SLC7A14: variants seen among roughly 807,000 people sequenced by gnomAD.
SLC7A14 encodes the protein gamma-aminobutyric acid transporter SLC7A14.
SLC7A14 carries 37 observed loss-of-function variants against 60.2 expected under a neutral mutation model. The ratio of observed to expected loss-of-function variants is 0.61; its 90% confidence interval spans 0.47 to 0.81. SLC7A14 has a LOEUF of 0.81. Among genes scored for constraint, SLC7A14 ranks in the 30% least tolerant of loss-of-function variants. The pLI is 0.00. For missense variants in SLC7A14, 886 were observed against 982.7 expected, an observed-to-expected ratio of 0.90 and a Z score of 1.32; for synonymous variants, 399 against 395.8, an observed-to-expected ratio of 1.01 and a Z score of -0.10.
At chr3:170,512,657 T>A (rs974288514) in intron 2 of SLC7A14, among the ~76,000 whole-genome samples, 1 of 62,458 alleles carries the variant, frequency 1.6e-5, no homozygotes, top group South Asian at 5.2e-4. Flanking sequence ...AATTTGCATT[T>A]TTTTTTTTTT....
At chr3:170,496,515 C>T (rs963670964) in intron 4 of SLC7A14, 2 of 1,519,496 alleles carry the variant, frequency 1.3e-6, no homozygotes, top group African/African-American at 1.4e-5. Flanking sequence ...CGCCCTGCAG[C>T]GGGCCAAGCA....
intron 7 of SLC7A14, among the ~76,000 whole-genome samples, chr3:170,471,120 T>TGA (rs1553864221): frequency 6.6e-6 from 1 of 151,634 alleles, no homozygotes; most frequent in East Asian, 1.9e-4. Context: ...TGTGTGTGTG[T>TGA]GAGTGATTAT....
intron 1 of SLC7A14, among the ~76,000 whole-genome samples, chr3:170,581,442 T>A (rs754428387): frequency 2.0e-5 from 3 of 152,180 alleles, no homozygotes; most frequent in Non-Finnish European, 2.9e-5. Flanking sequence ...AGTTATTATT[T>A]TTTTTAATCC....
At chr3:170,470,217 C>G (rs951811630) in intron 7 of SLC7A14, among the ~76,000 whole-genome samples, 5 of 151,894 alleles carry the variant, frequency 3.3e-5, no homozygotes, top group African/African-American at 9.7e-5. Flanking sequence ...CTCCCCTCCC[C>G]CAGGCTGGTT....
At chr3:170,533,655 G>A (rs1713745897) in intron 1 of SLC7A14, among the ~76,000 whole-genome samples, 1 of 138,918 alleles carries the variant, frequency 7.2e-6, no homozygotes, top group Non-Finnish European at 1.5e-5. Context: ...GGCCCAGTGT[G>A]TGTGTGTGTG....
chr3:170,520,180 G>T (rs1713300590), intron 2 of SLC7A14, among the ~76,000 whole-genome samples: 1 of 152,218 alleles, frequency 6.6e-6, no homozygotes, highest in Non-Finnish European at 1.5e-5. Flanking sequence ...CACCTCTTAA[G>T]CAGGAGCCTT....
intron 1 of SLC7A14, among the ~76,000 whole-genome samples, chr3:170,537,299 T>C (rs1713877063): frequency 6.6e-6 from 1 of 152,190 alleles, no homozygotes; most frequent in Admixed American, 6.5e-5. Context: ...ACCAGCAACA[T>C]AGTATCTTCT....
intron 1 of SLC7A14, among the ~76,000 whole-genome samples, chr3:170,584,480 CA>C (rs1715321194): frequency 6.6e-6 from 1 of 152,168 alleles, no homozygotes; most frequent in African/African-American, 2.4e-5. Flanking sequence ...CCGAAGTTAG[CA>C]AAACTGGATC....
At chr3:170,553,014 G>C (rs1714392338) in intron 1 of SLC7A14, among the ~76,000 whole-genome samples, 1 of 152,156 alleles carries the variant, frequency 6.6e-6, no homozygotes, top group Admixed American at 6.5e-5. Flanking sequence ...GGAACTAGCT[G>C]CATCAGCTCC....
At chr3:170,500,490 A>AGCCTGAGG (rs1312805166) in intron 3 of SLC7A14, among the ~76,000 whole-genome samples, 1 of 147,836 alleles carries the variant, frequency 6.8e-6, no homozygotes, top group East Asian at 2.0e-4. Context: ...TGATGGATGG[A>AGCCTGAGG]GCCTGAGGTC....
chr3:170,542,893 A>G (rs1003311894), intron 1 of SLC7A14, among the ~76,000 whole-genome samples: 2 of 152,190 alleles, frequency 1.3e-5, no homozygotes, highest in Admixed American at 6.5e-5. Context: ...AGATGTGAGT[A>G]TGCAGAGGAC....
intron 1 of SLC7A14, among the ~76,000 whole-genome samples, chr3:170,540,771 C>G (rs2108299872): frequency 6.6e-6 from 1 of 152,274 alleles, no homozygotes; most frequent in East Asian, 1.9e-4. Flanking sequence ...TGTCTGGTGA[C>G]TTTTTAAATG....
intron 1 of SLC7A14, among the ~76,000 whole-genome samples, chr3:170,574,996 GA>G (rs5854380): frequency 0.14 from 22,011 of 152,172 alleles, 1,660 homozygotes; most frequent in East Asian, 0.21. Flanking sequence ...AAGGGTGGAG[GA>G]AAAGTGGTTA....
In SLC7A14 at chr3:170,461,540, A is replaced by T. The variant is rs1483562829; in HGVS notation, c.*5515T>A. 6.6e-6 allele frequency: 1 copy of T among 152,230 alleles called. No homozygotes were observed. The highest frequency in any genetic ancestry group is 1.5e-5 in the Non-Finnish European group (1 of 68,034). 9.4% of individuals were successfully genotyped at this position (152,230 alleles called of 1,614,324 possible). A position where few individuals can be genotyped will look rare whatever the true frequency, so the allele number is the denominator to read the frequency against. ...AAAGTAGGACATAGGACCAACCATTATGTACATGAAAGGGGCTTTTTGCTA... is the reference window on the plus strand; with the variant it reads ...AAAGTAGGACATAGGACCAACCATTTTGTACATGAAAGGGGCTTTTTGCTA... On this transcript the variant is annotated 3_prime_UTR_variant, in exon 8 of 8. Transcript: ENST00000231706.
chr3:170,529,823 T>A (rs1713619781), intron 1 of SLC7A14, among the ~76,000 whole-genome samples: 1 of 152,194 alleles, frequency 6.6e-6, no homozygotes, highest in South Asian at 2.1e-4. Flanking sequence ...AGGGGAAATT[T>A]GTAAACAAAG....
chr3:170,467,153 T>C lies in SLC7A14; in HGVS notation c.2218A>G (p.Asn740Asp). The C allele has an allele frequency of 6.2e-7, 1 of 1,613,346 alleles. No individual in the cohort carries two copies. Among genetic ancestry groups the C allele is most frequent in the Non-Finnish European group, 8.5e-7 (1 of 1,179,718 alleles). ...YYQQMSDAKA[N>D]GRTSSKAKSK... ...TTCGCTTTGCTACTTGTCCGGCCGT[T>C]TGCCTTCGCATCTGACATCTGTTGG... is the stretch of plus-strand genomic sequence containing the variant. The change falls in exon 8 of 8, where the codon AAC (asparagine) becomes GAC (aspartate). Residue 740 changes from asparagine to aspartate, a missense_variant. By Grantham distance (23) the Asn-to-Asp change is conservative (BLOSUM62 1). Transcript: ENST00000231706.
chr3:170,508,563 C>T (rs1239645803), intron 2 of SLC7A14, among the ~76,000 whole-genome samples: 1 of 152,174 alleles, frequency 6.6e-6, no homozygotes, highest in Non-Finnish European at 1.5e-5. Flanking sequence ...AACTATCTGC[C>T]ATCTCCCAGA....
At chr3:170,509,025 C>T (rs1175741228) in intron 2 of SLC7A14, among the ~76,000 whole-genome samples, 1 of 152,184 alleles carries the variant, frequency 6.6e-6, no homozygotes, top group Non-Finnish European at 1.5e-5. Flanking sequence ...ATGTCCTCTT[C>T]CCGATGCCCT....
chr3:170,567,233 C>T (rs1714819842), intron 1 of SLC7A14, among the ~76,000 whole-genome samples: 1 of 148,114 alleles, frequency 6.8e-6, no homozygotes. Context: ...TGTTCAATTC[C>T]CACCTATGAG....
Sources: allele counts gnomAD v4.1 joint callset (sites outside exome capture counted in the v4.1 genomes callset), GRCh38; gene constraint gnomAD v4.1.1; transcripts MANE v1.5; gene names NCBI Gene and HGNC (gene_info 2026-07-23, HGNC 2026-07-21).